The following CTNNA3 variants were observed in gnomAD, a reference collection of about 807,000 sequenced individuals.
CTNNA3 encodes catenin alpha-3.
Under a neutral mutation model 95.7 loss-of-function variants are expected in CTNNA3, and 76 were observed. The observed-to-expected ratio is 0.79, with a 90% CI of 0.66 to 0.96. The LOEUF (loss-of-function observed/expected upper bound fraction) is 0.96, where lower values mean the gene tolerates loss of function less well. Among genes scored for constraint, CTNNA3 ranks in the 40% least tolerant of loss-of-function variants. The pLI, the probability that CTNNA3 is intolerant of heterozygous loss-of-function variation, is 0.00. For synonymous variants in CTNNA3, 431 were observed against 374.4 expected (o/e 1.15, Z -1.74); for missense variants, 1,191 against 1,089.8 (o/e 1.09, Z -1.31).
At chr10:65,966,863 T>C (rs1279587101) in intron 16 of CTNNA3, 117 bp from the exon 17 acceptor site, 2 of 681,088 alleles carry the variant, frequency 2.9e-6, no homozygotes, top group Non-Finnish European at 4.6e-6. Context: ...TTTATTTTCA[T>C]ACAGGACCAA....
chr10:66,561,561 A>T (rs1448052687), intron 10 of CTNNA3, among the ~76,000 whole-genome samples: 1 of 152,050 alleles, frequency 6.6e-6, no homozygotes, highest in African/African-American at 2.4e-5. Context: ...TAACCAGGGG[A>T]ATAAAGGAGA....
chr10:67,542,495 T>C (rs189250552), intron 3 of CTNNA3, among the ~76,000 whole-genome samples: 46 of 152,202 alleles, frequency 3.0e-4, no homozygotes, highest in African/African-American at 1.0e-3. Context: ...CAAATGAATA[T>C]ATGAATGAAC....
rs149078611 is a variant in CTNNA3, at chr10:66,943,838, A to G, written c.1048-168314T>C. ...CTATGTTTATGCTGTACTGTAGTCT[A>G]TTAAGTGTGCAGTAGCACTATGTCA... On this transcript the variant is annotated intron_variant, in intron 7 of 17. Transcript: ENST00000433211. 1.1e-3 allele frequency among the ~76,000 whole-genome samples: 168 copies of G among 152,324 alleles called. 1 individual carries two copies. The highest frequency in any genetic ancestry group is 4.0e-3 in the African/African-American group (165 of 41,582).
chr10:66,645,591 T>C (rs1412410067), intron 9 of CTNNA3, among the ~76,000 whole-genome samples: 2 of 152,130 alleles, frequency 1.3e-5, no homozygotes, highest in African/African-American at 4.8e-5. Flanking sequence ...CACAGACAAC[T>C]ACCAGTCTGT....
At chr10:67,371,769 G>A (rs917180995) in intron 5 of CTNNA3, among the ~76,000 whole-genome samples, 1 of 152,118 alleles carries the variant, frequency 6.6e-6, no homozygotes, top group Non-Finnish European at 1.5e-5. Context: ...GGGTCAAATG[G>A]TATTTCTAGT....
chr10:67,109,159 G>T (rs1489523702), intron 7 of CTNNA3, among the ~76,000 whole-genome samples: 1 of 152,118 alleles, frequency 6.6e-6, no homozygotes, highest in Non-Finnish European at 1.5e-5. Flanking sequence ...TCACCTACAG[G>T]TTATGGCATA....
At chr10:66,212,450 C>T (rs1050684594) in intron 13 of CTNNA3, among the ~76,000 whole-genome samples, 3 of 152,108 alleles carry the variant, frequency 2.0e-5, no homozygotes, top group East Asian at 1.9e-4. Context: ...TTATTAGCAT[C>T]CCTAGAAGTT....
chr10:66,247,687 A>C (rs2090392545), intron 13 of CTNNA3, among the ~76,000 whole-genome samples: 1 of 152,238 alleles, frequency 6.6e-6, no homozygotes, highest in Non-Finnish European at 1.5e-5. Context: ...GCAAAGTGGC[A>C]TGACATATTT....
chr10:67,701,230 A>G (rs1564836180), intron 1 of CTNNA3, among the ~76,000 whole-genome samples: 1 of 152,236 alleles, frequency 6.6e-6, no homozygotes, highest in Non-Finnish European at 1.5e-5. Flanking sequence ...ACCTTCCCCA[A>G]TCTAGCAAGG....
At chr10:66,387,869 C>G (rs1280358558) in intron 11 of CTNNA3, among the ~76,000 whole-genome samples, 1 of 152,138 alleles carries the variant, frequency 6.6e-6, no homozygotes, top group Non-Finnish European at 1.5e-5. Flanking sequence ...ACCGCATATT[C>G]TCACTCATTG....
At chr10:67,047,939 C>CAGATA (rs760286798) in intron 7 of CTNNA3, among the ~76,000 whole-genome samples, 14 of 151,992 alleles carry the variant, frequency 9.2e-5, no homozygotes, top group Non-Finnish European at 1.5e-5. Flanking sequence ...CTTGGATTAG[C>CAGATA]AGATAAGCTT....
At chr10:67,577,634 A>G (rs1305424823) in intron 3 of CTNNA3, among the ~76,000 whole-genome samples, 1 of 150,834 alleles carries the variant, frequency 6.6e-6, no homozygotes, top group East Asian at 2.0e-4. Context: ...TAGGTTTTGT[A>G]TATATATGTA....
chr10:66,042,852 A>T (rs2133499679), intron 15 of CTNNA3, among the ~76,000 whole-genome samples: 1 of 136,402 alleles, frequency 7.3e-6, no homozygotes, highest in Admixed American at 8.1e-5. Flanking sequence ...GTGAGCCGAG[A>T]TCGCTCTATT....
At chr10:66,137,105 C>T (rs2083395855) in intron 13 of CTNNA3, among the ~76,000 whole-genome samples, 1 of 152,064 alleles carries the variant, frequency 6.6e-6, no homozygotes, top group Non-Finnish European at 1.5e-5. Flanking sequence ...CCACCGCGCC[C>T]AGCCTAGTTC....
chr10:65,969,314 G>A (rs2078047124), intron 16 of CTNNA3, among the ~76,000 whole-genome samples: 1 of 152,150 alleles, frequency 6.6e-6, no homozygotes, highest in Non-Finnish European at 1.5e-5. Context: ...AAAATTTGAA[G>A]TATCAATGCT....
intron 11 of CTNNA3, among the ~76,000 whole-genome samples, chr10:66,452,923 T>A (rs2093473736): frequency 6.6e-6 from 1 of 152,012 alleles, no homozygotes; most frequent in East Asian, 1.9e-4. Context: ...CTCTTAAAAA[T>A]CCGAGCCTCT....
At chr10:66,104,916 A>G (rs936851962) in intron 13 of CTNNA3, among the ~76,000 whole-genome samples, 3 of 152,186 alleles carry the variant, frequency 2.0e-5, no homozygotes, top group African/African-American at 7.2e-5. Flanking sequence ...GGGACATTTG[A>G]TGATTAGCTC....
chr10:66,240,366 A>T (rs2090048115), intron 13 of CTNNA3, among the ~76,000 whole-genome samples: 1 of 152,094 alleles, frequency 6.6e-6, no homozygotes, highest in Non-Finnish European at 1.5e-5. Context: ...TATAAAACAC[A>T]GTTATCTTAA....
intron 16 of CTNNA3, among the ~76,000 whole-genome samples, chr10:65,974,883 T>C (rs2078182057): frequency 6.6e-6 from 1 of 152,164 alleles, no homozygotes; most frequent in African/African-American, 2.4e-5. Flanking sequence ...TAAATATATA[T>C]TTCTTCTATA....
Sources: gnomAD v4.1 joint callset for allele counts (sites outside exome capture counted in the v4.1 genomes callset) on GRCh38, gnomAD v4.1.1 for gene constraint, MANE v1.5 for transcripts, NCBI Gene and HGNC (gene_info 2026-07-23, HGNC 2026-07-21) for gene names.